Variants in PRKD1 observed in about 807,000 individuals in gnomAD.
PRKD1 encodes the protein protein kinase D1, also known as serine/threonine-protein kinase D1.
PRKD1 carries 63 observed loss-of-function variants against 95.9 expected under a neutral mutation model. That is an observed-to-expected ratio of 0.66 (90% CI 0.54 to 0.81). The LOEUF is 0.81. Ranked by LOEUF, PRKD1 falls within the 30% of genes least tolerant of loss-of-function variation. The pLI is 0.00. For synonymous variants in PRKD1, 425 were observed against 423.1 expected (o/e 1.00, Z -0.05); for missense variants, 1,048 against 1,165.3 (o/e 0.90, Z 1.47).
intron 2 of PRKD1, among the ~76,000 whole-genome samples, chr14:29,724,387 G>A (rs1886044048): frequency 6.6e-6 from 1 of 152,118 alleles, no homozygotes; most frequent in Non-Finnish European, 1.5e-5. Context: ...TTAATTTAGT[G>A]TTCAGAAACA....
At chr14:29,694,902 A>G (rs958634226) in intron 2 of PRKD1, among the ~76,000 whole-genome samples, 1 of 152,160 alleles carries the variant, frequency 6.6e-6, no homozygotes, top group African/African-American at 2.4e-5. Flanking sequence ...CAAAGAGATC[A>G]ATGAAAGAAT....
chr14:29,872,667 A>G (rs925784913), intron 1 of PRKD1, among the ~76,000 whole-genome samples: 4 of 151,798 alleles, frequency 2.6e-5, no homozygotes, highest in Non-Finnish European at 4.4e-5. Flanking sequence ...AAAAAAAAAA[A>G]AAAAGAAAAA....
chr14:29,672,198 G>A (rs912882332), intron 2 of PRKD1, among the ~76,000 whole-genome samples: 8 of 151,674 alleles, frequency 5.3e-5, no homozygotes, highest in South Asian at 2.1e-4. Context: ...AAAATTGGCC[G>A]GGCGTGGTGG....
chr14:29,750,037 T>C (rs1887403849), intron 1 of PRKD1, among the ~76,000 whole-genome samples: 1 of 152,168 alleles, frequency 6.6e-6, no homozygotes, highest in Non-Finnish European at 1.5e-5. Context: ...TCCTCCTTGC[T>C]CTGAGTAGAA....
rs45469093 is a variant in PRKD1 at position 29,668,717 on chromosome 14, A to G, written c.404-2509T>C. ...CAAAATTATTTGCATAATAAAATAA[A>G]ATAACGACAGATCTTCCAAGATTTT... On this transcript the variant is annotated intron_variant, in intron 2 of 17. Transcript: ENST00000331968. Among the ~76,000 whole-genome samples the G allele has an allele frequency of 1.7e-3, 266 of 152,356 alleles. 9 individuals carry two copies. The East Asian group carries it at 0.046, about 26-fold the overall frequency.
At chr14:29,763,324 A>G (rs1888090526) in intron 1 of PRKD1, among the ~76,000 whole-genome samples, 1 of 141,286 alleles carries the variant, frequency 7.1e-6, no homozygotes, top group Non-Finnish European at 1.5e-5. Context: ...AAAAAAGAAA[A>G]AAGAAGGAAG....
intron 13 of PRKD1, among the ~76,000 whole-genome samples, chr14:29,622,315 C>G (rs925868801): frequency 3.3e-5 from 5 of 152,006 alleles, no homozygotes; most frequent in African/African-American, 1.2e-4. Context: ...CTGAGGACCT[C>G]TGTTTTAGAA....
At chr14:29,724,349 T>A (rs1442394807) in intron 2 of PRKD1, among the ~76,000 whole-genome samples, 1 of 152,214 alleles carries the variant, frequency 6.6e-6, no homozygotes, top group African/African-American at 2.4e-5. Context: ...TGGCAAGAAC[T>A]GATCCAGTGC....
At chr14:29,587,592 A>G (rs1594340864) in intron 16 of PRKD1, among the ~76,000 whole-genome samples, 1 of 152,210 alleles carries the variant, frequency 6.6e-6, no homozygotes, top group Non-Finnish European at 1.5e-5. Flanking sequence ...GCTTCTCTCT[A>G]TAAATATCAT....
At chr14:29,864,947 C>A (rs750464321) in intron 1 of PRKD1, among the ~76,000 whole-genome samples, 7 of 152,148 alleles carry the variant, frequency 4.6e-5, no homozygotes, top group African/African-American at 7.2e-5. Context: ...GTTTTCCCCC[C>A]AAATAGCTGT....
intron 4 of PRKD1, among the ~76,000 whole-genome samples, chr14:29,640,411 T>C (rs978274295): frequency 6.6e-6 from 1 of 152,202 alleles, no homozygotes; most frequent in African/African-American, 2.4e-5. Flanking sequence ...CCAGATTCAC[T>C]AGCTACAGTA....
intron 1 of PRKD1, among the ~76,000 whole-genome samples, chr14:29,819,668 C>T (rs1323196380): frequency 2.0e-5 from 3 of 151,558 alleles, no homozygotes; most frequent in Non-Finnish European, 2.9e-5. Context: ...CCAGCCTGGG[C>T]GACAGAGTGA....
intron 1 of PRKD1, among the ~76,000 whole-genome samples, chr14:29,883,229 C>T (rs773306949): frequency 6.6e-6 from 1 of 152,116 alleles, no homozygotes; most frequent in Non-Finnish European, 1.5e-5. Context: ...GGCTCCACCC[C>T]CGTGGCCCAA....
At chr14:29,581,724 ATG>A (rs1002780610) in intron 16 of PRKD1, among the ~76,000 whole-genome samples, 1 of 152,162 alleles carries the variant, frequency 6.6e-6, no homozygotes, top group Non-Finnish European at 1.5e-5. Context: ...GAACGCAAGG[ATG>A]TGTGTGTATG....
At chr14:29,860,471 A>C (rs1352439838) in intron 1 of PRKD1, among the ~76,000 whole-genome samples, 1 of 152,050 alleles carries the variant, frequency 6.6e-6, no homozygotes, top group East Asian at 1.9e-4. Flanking sequence ...CCAGCTACTC[A>C]GAGTTGCTGC....
At chr14:29,794,512 T>C (rs769012369) in intron 1 of PRKD1, among the ~76,000 whole-genome samples, 5 of 150,912 alleles carry the variant, frequency 3.3e-5, no homozygotes, top group African/African-American at 7.4e-5. Context: ...ATTTAAAACA[T>C]AGATTTTCAT....
intron 1 of PRKD1, among the ~76,000 whole-genome samples, chr14:29,803,337 T>C (rs1890108827): frequency 6.6e-6 from 1 of 152,226 alleles, no homozygotes; most frequent in South Asian, 2.1e-4. Context: ...TATTTTAAGG[T>C]AAACTATGAC....
rs146623551 is a variant in PRKD1, at chr14:29,714,980, G to A, written c.403+10556C>T. Among the ~76,000 whole-genome samples the A allele has an allele frequency of 5.7e-3, 865 of 152,144 alleles. 8 individuals carry two copies. The highest frequency in any genetic ancestry group is 0.02 in the African/African-American group (832 of 41,500). Reference sequence around the variant, plus strand: ...GTTGGGGGATGGAGGGCTAGGGGAGGGATAACATTAGGAGAAATACCTAAT... The same window carrying A: ...GTTGGGGGATGGAGGGCTAGGGGAGAGATAACATTAGGAGAAATACCTAAT... On this transcript the variant is annotated intron_variant, in intron 2 of 17. Transcript: ENST00000331968.
At chr14:29,766,213 C>G (rs1222089351) in intron 1 of PRKD1, among the ~76,000 whole-genome samples, 2 of 152,100 alleles carry the variant, frequency 1.3e-5, no homozygotes, top group Admixed American at 6.6e-5. Context: ...CTTGAGTACA[C>G]AATATCATAT....
Sources: gnomAD v4.1 joint callset for allele counts (sites outside exome capture counted in the v4.1 genomes callset) on GRCh38, gnomAD v4.1.1 for gene constraint, MANE v1.5 for transcripts, NCBI Gene and HGNC (gene_info 2026-07-23, HGNC 2026-07-21) for gene names.